The following DLGAP2 variants were observed in gnomAD, a reference collection of about 807,000 sequenced individuals.
DLGAP2 encodes the protein DLG associated protein 2, also known as disks large-associated protein 2.
A neutral mutation model predicts 100.3 loss-of-function variants in DLGAP2; 26 were observed. The ratio of observed to expected loss-of-function variants is 0.26; its 90% CI spans 0.19 to 0.36. The LOEUF is 0.36. Among genes scored for constraint, DLGAP2 ranks in the 10% least tolerant of loss-of-function variants. The probability of loss-of-function intolerance (pLI) is 1.00; values close to 1 mark genes in which losing one functional copy is unlikely to be tolerated. For synonymous variants in DLGAP2, 886 were observed against 630.1 expected (o/e 1.41, Z -6.08); for missense variants, 1,858 against 1,453.2 (o/e 1.28, Z -4.53).
intron 2 of DLGAP2, among the ~76,000 whole-genome samples, chr8:1,242,063 G>C (rs1798808532): frequency 6.6e-6 from 1 of 152,170 alleles, no homozygotes; most frequent in Non-Finnish European, 1.5e-5. Flanking sequence ...GTATAATTTG[G>C]TATAACGGGA....
At chr8:1,131,727 T>C (rs1467829408) in intron 2 of DLGAP2, among the ~76,000 whole-genome samples, 2 of 152,242 alleles carry the variant, frequency 1.3e-5, no homozygotes, top group African/African-American at 2.4e-5. Context: ...TTTGGGGTTC[T>C]GGTAAGATAT....
chr8:1,105,373 G>C (rs1209902923), intron 2 of DLGAP2, among the ~76,000 whole-genome samples: 1 of 152,188 alleles, frequency 6.6e-6, no homozygotes, highest in Non-Finnish European at 1.5e-5. Context: ...TGAAGGAGGA[G>C]ATAGTGCTGG....
chr8:1,201,110 C>T (rs936523878), intron 2 of DLGAP2, among the ~76,000 whole-genome samples: 5 of 152,174 alleles, frequency 3.3e-5, no homozygotes, highest in Admixed American at 6.5e-5. Context: ...TCCCCGTCCC[C>T]GAGGCCTGGA....
chr8:1,056,155 C>A (rs779617853), intron 2 of DLGAP2, among the ~76,000 whole-genome samples: 1 of 152,148 alleles, frequency 6.6e-6, no homozygotes, highest in African/African-American at 2.4e-5. Flanking sequence ...ATGTAATTCT[C>A]GTTTTAGGAA....
At chr8:1,255,605 C>A (rs1211744222) in intron 2 of DLGAP2, among the ~76,000 whole-genome samples, 1 of 134,444 alleles carries the variant, frequency 7.4e-6, no homozygotes, top group Non-Finnish European at 1.5e-5. Flanking sequence ...GTATGTGTGT[C>A]CTCTCTTGCC....
Position 890,566 on chromosome 8 carries a change from C to T in DLGAP2, c.19-17346C>T, listed in dbSNP as rs1584866429. On this transcript the variant is annotated intron_variant, in intron 1 of 14. Coordinates refer to ENST00000637795, the MANE Select transcript of DLGAP2 (RefSeq NM_001346810.2). Reference sequence around the variant, plus strand: ...TCGATGGCGCCTCCTCCTCCCTTCCCTCCTCCCCTTCCCTCTGCGGCTGCG... The same window carrying T: ...TCGATGGCGCCTCCTCCTCCCTTCCTTCCTCCCCTTCCCTCTGCGGCTGCG... 1.3e-5 allele frequency among the ~76,000 whole-genome samples: 2 copies of T among 151,960 alleles called. 1 individual carries two copies. Among genetic ancestry groups the T allele is most frequent in the Middle Eastern group, 6.8e-3 (2 of 294 alleles).
intron 6 of DLGAP2, among the ~76,000 whole-genome samples, chr8:1,586,320 C>T (rs1238911523): frequency 1.3e-5 from 2 of 152,212 alleles, no homozygotes; most frequent in African/African-American, 2.4e-5. Flanking sequence ...GAAGTCAGCC[C>T]CCTGTTTCCA....
chr8:1,067,809 C>T (rs1347784929), intron 2 of DLGAP2, among the ~76,000 whole-genome samples: 2 of 152,056 alleles, frequency 1.3e-5, no homozygotes, highest in African/African-American at 4.8e-5. Flanking sequence ...ACACGTCATC[C>T]TCACCCGGAG....
intron 2 of DLGAP2, among the ~76,000 whole-genome samples, chr8:911,740 G>A (rs1424477282): frequency 6.6e-6 from 1 of 151,866 alleles, no homozygotes; most frequent in Non-Finnish European, 1.5e-5. Context: ...ATGTTGGAAG[G>A]ATGCTGGAGA....
intron 3 of DLGAP2, among the ~76,000 whole-genome samples, chr8:1,346,351 T>A (rs557283791): frequency 6.6e-5 from 10 of 151,760 alleles, no homozygotes; most frequent in African/African-American, 2.2e-4. Context: ...TGCATTGCTC[T>A]CATGGCGGCT....
intron 1 of DLGAP2, among the ~76,000 whole-genome samples, chr8:820,754 G>T (rs560856219): frequency 6.6e-6 from 1 of 152,304 alleles, no homozygotes; most frequent in Non-Finnish European, 1.5e-5. Flanking sequence ...ATAATGAGAA[G>T]CATTAAAAAA....
At chr8:1,338,873 C>A in intron 3 of DLGAP2, among the ~76,000 whole-genome samples, 1 of 145,646 alleles carries the variant, frequency 6.9e-6, no homozygotes, top group East Asian at 2.0e-4. Flanking sequence ...AGTGAGGCGT[C>A]AGGACCTGGC....
At chr8:1,007,926 A>G (rs920860342) in intron 2 of DLGAP2, among the ~76,000 whole-genome samples, 2 of 152,194 alleles carry the variant, frequency 1.3e-5, no homozygotes, top group African/African-American at 4.8e-5. Flanking sequence ...AACCCACTCC[A>G]TGGCGCCCGG....
At chr8:1,594,100 A>G (rs1639247459) in intron 6 of DLGAP2, among the ~76,000 whole-genome samples, 1 of 152,222 alleles carries the variant, frequency 6.6e-6, no homozygotes, top group African/African-American at 2.4e-5. Context: ...CTGGGAAGGG[A>G]AAGAATTGGC....
At chr8:1,305,952 G>A (rs1024256843) in intron 3 of DLGAP2, among the ~76,000 whole-genome samples, 1 of 151,776 alleles carries the variant, frequency 6.6e-6, no homozygotes, top group African/African-American at 2.4e-5. Flanking sequence ...ATAGTATAGG[G>A]AACAACTACT....
intron 2 of DLGAP2, among the ~76,000 whole-genome samples, chr8:1,008,398 T>C (rs1021939458): frequency 6.6e-6 from 1 of 152,234 alleles, no homozygotes; most frequent in Non-Finnish European, 1.5e-5. Context: ...CAGATATGGT[T>C]TTAAGATAAT....
chr8:1,136,522 C>T (rs565561214), intron 2 of DLGAP2, among the ~76,000 whole-genome samples: 6 of 152,224 alleles, frequency 3.9e-5, no homozygotes, highest in East Asian at 3.9e-4. Context: ...GTGAGGGCCA[C>T]GGCAGACAAC....
intron 3 of DLGAP2, among the ~76,000 whole-genome samples, chr8:1,372,059 A>G (rs1326559404): frequency 1.3e-5 from 2 of 152,200 alleles, no homozygotes. Flanking sequence ...TGAGGCACAC[A>G]CTGCTCAGGC....
intron 3 of DLGAP2, among the ~76,000 whole-genome samples, chr8:1,281,248 C>A (rs6995458): frequency 6.6e-6 from 1 of 152,040 alleles, no homozygotes; most frequent in Non-Finnish European, 1.5e-5. Context: ...CCTTCAAAGT[C>A]GTAGATGTGG....
Sources: gnomAD v4.1 joint callset for allele counts (sites outside exome capture counted in the v4.1 genomes callset) on GRCh38, gnomAD v4.1.1 for gene constraint, MANE v1.5 for transcripts, NCBI Gene and HGNC (gene_info 2026-07-23, HGNC 2026-07-21) for gene names.